PRKAG2: variants seen among roughly 807,000 people sequenced by gnomAD.
The protein encoded by PRKAG2 is 5'-AMP-activated protein kinase subunit gamma-2.
Under a neutral mutation model 69.6 loss-of-function variants are expected in PRKAG2, and 26 were observed. The ratio of observed to expected loss-of-function variants is 0.37; its 90% confidence interval spans 0.27 to 0.52. The LOEUF is 0.52. Ranked by LOEUF, PRKAG2 falls within the 20% of genes least tolerant of loss-of-function variation. The pLI is 0.90. For synonymous variants in PRKAG2, 293 were observed against 285.0 expected (o/e 1.03, Z -0.28); for missense variants, 557 against 740.0 (o/e 0.75, Z 2.87).
intron 3 of PRKAG2, among the ~76,000 whole-genome samples, chr7:151,692,394 A>T (rs937878844): frequency 3.9e-5 from 6 of 152,302 alleles, no homozygotes; most frequent in Admixed American, 1.3e-4. Flanking sequence ...ATTCTGGAAA[A>T]AGCAAAATTA....
At chr7:151,708,057 A>AG (rs950819558) in intron 3 of PRKAG2, among the ~76,000 whole-genome samples, 2 of 152,168 alleles carry the variant, frequency 1.3e-5, no homozygotes, top group Non-Finnish European at 2.9e-5. Context: ...GCTGTCCACA[A>AG]GGGGGGCGCT....
At chr7:151,702,908 C>T (rs781020859) in intron 3 of PRKAG2, among the ~76,000 whole-genome samples, 1 of 152,140 alleles carries the variant, frequency 6.6e-6, no homozygotes, top group Non-Finnish European at 1.5e-5. Flanking sequence ...TGATACCTCT[C>T]GCCTTCCAGT....
intron 3 of PRKAG2, among the ~76,000 whole-genome samples, chr7:151,715,925 A>C (rs897293294): frequency 6.6e-6 from 1 of 152,182 alleles, no homozygotes; most frequent in African/African-American, 2.4e-5. Flanking sequence ...TTAGGCTTCC[A>C]GGAAGGATTT....
chr7:151,819,048 G>T (rs573189193), intron 1 of PRKAG2, among the ~76,000 whole-genome samples: 56 of 152,222 alleles, frequency 3.7e-4, no homozygotes, highest in Non-Finnish European at 7.2e-4. Flanking sequence ...GCTCCCTGGC[G>T]AAATGAGTGG....
intron 1 of PRKAG2, among the ~76,000 whole-genome samples, chr7:151,832,562 C>T (rs10238109): frequency 0.47 from 70,095 of 148,854 alleles, 17,220 homozygotes; most frequent in South Asian, 0.62. Flanking sequence ...CCCCCTTCCC[C>T]TGGGGCTGGT....
intron 6 of PRKAG2, among the ~76,000 whole-genome samples, chr7:151,581,454 CAA>C (rs909686035): frequency 2.0e-4 from 31 of 152,312 alleles, no homozygotes; most frequent in African/African-American, 6.7e-4. Flanking sequence ...GAGAGCCAAA[CAA>C]GAGGGCTTCC....
At chr7:151,672,684 C>G (rs1470017720) in intron 4 of PRKAG2, among the ~76,000 whole-genome samples, 1 of 152,134 alleles carries the variant, frequency 6.6e-6, no homozygotes, top group Admixed American at 6.5e-5. Context: ...CAGGGCCCCT[C>G]CGTGTCACTC....
At chr7:151,735,371 C>T (rs1799608101) in intron 3 of PRKAG2, among the ~76,000 whole-genome samples, 1 of 152,152 alleles carries the variant, frequency 6.6e-6, no homozygotes, top group South Asian at 2.1e-4. Flanking sequence ...CATGGAGGAG[C>T]TGCAGAAGTT....
chr7:151,818,830 G>C (rs928864408), intron 1 of PRKAG2, among the ~76,000 whole-genome samples: 4 of 152,234 alleles, frequency 2.6e-5, no homozygotes, highest in African/African-American at 9.6e-5. Context: ...ACTGGGCCTG[G>C]TGGGATGTAG....
At chr7:151,822,011 C>T (rs2078795456) in intron 1 of PRKAG2, among the ~76,000 whole-genome samples, 2 of 152,230 alleles carry the variant, frequency 1.3e-5, no homozygotes, top group Admixed American at 6.5e-5. Flanking sequence ...ATCTGGGAGG[C>T]ACCCCAGTGC....
intron 1 of PRKAG2, among the ~76,000 whole-genome samples, chr7:151,840,417 T>C (rs9648727): frequency 0.65 from 98,103 of 152,066 alleles, 31,842 homozygotes; most frequent in Middle Eastern, 0.76. Context: ...GGTCTCGCTC[T>C]GTCATCCAGG....
rs186992128 is a variant in PRKAG2, at chr7:151,693,264, C to T, written c.467-17627G>A. 6.6e-4 allele frequency among the ~76,000 whole-genome samples: 100 copies of T among 152,324 alleles called. 1 individual carries two copies. The East Asian group carries it at 0.019, about 29-fold the overall frequency. On this transcript the variant is annotated intron_variant, in intron 3 of 15. Transcript: ENST00000287878. ...TGCTGCCCAGGGCAGGCCTGAGACC[C>T]GCAGCACAGGAGGCCCAAGGCGGCC...
intron 1 of PRKAG2, among the ~76,000 whole-genome samples, chr7:151,876,268 G>A (rs1586766850): frequency 6.7e-6 from 1 of 150,260 alleles, no homozygotes; most frequent in East Asian, 2.0e-4. Flanking sequence ...GTCTGCAGCC[G>A]CCCAGCCCCC....
chr7:151,827,277 T>C (rs554741501), intron 1 of PRKAG2, among the ~76,000 whole-genome samples: 1 of 152,302 alleles, frequency 6.6e-6, no homozygotes, highest in Non-Finnish European at 1.5e-5. Context: ...CTCACTCTGT[T>C]GCCTAGGCTG....
rs1301118270 is a variant in PRKAG2 at position 151,781,561 on chromosome 7, C to G, written c.187-130G>C. The G allele has an allele frequency of 2.5e-6, 3 of 1,178,306 alleles. No individual in the cohort carries two copies. In the East Asian group the frequency reaches 7.7e-5, roughly 30 times the overall value. 73.0% of individuals were successfully genotyped at this position (1,178,306 alleles called of 1,614,324 possible). On this transcript the variant is annotated intron_variant, in intron 2 of 15. Transcript: ENST00000287878. The surrounding 1 kb of genome is among the most constrained non-coding windows in gnomAD (Gnocchi z 6.1). The stretch of plus-strand genomic sequence containing the variant: ...CATAGTACCCTCCCAGAGAAACAGC[C>G]CTAAGCTCTTCCACAGAGGTAGCCA...
chr7:151,571,505 G>A (rs994442195), intron 9 of PRKAG2, among the ~76,000 whole-genome samples: 2 of 152,128 alleles, frequency 1.3e-5, no homozygotes, highest in African/African-American at 4.8e-5. Context: ...CACCGCACCT[G>A]GCCTTGCTTT....
chr7:151,771,215 C>T lies in PRKAG2; in HGVS notation c.466+9937G>A, dbSNP rs772783457. On this transcript the variant is annotated intron_variant, in intron 3 of 15. Transcript: ENST00000287878. This position sits in a 1 kb window ranked among gnomAD's most constrained non-coding sequence, Gnocchi z 4.0. Reference sequence around the variant, plus strand: ...CATTCCAGCTATGTTATTCTTTATGCTTTTCCCTTAGCTAAAATTTCGATT... The same window carrying T: ...CATTCCAGCTATGTTATTCTTTATGTTTTTCCCTTAGCTAAAATTTCGATT... Among the ~76,000 whole-genome samples, 1 of 152,162 alleles carries T rather than the reference C, an allele frequency of 6.6e-6. No individual in the cohort carries two copies. Among genetic ancestry groups the T allele is most frequent in the Non-Finnish European group, 1.5e-5 (1 of 68,032 alleles).
At position 151,814,358 on chromosome 7, in the gene PRKAG2, A is replaced by G. The variant is rs746166244; in HGVS notation, c.115-27817T>C. On this transcript the variant is annotated intron_variant, in intron 1 of 15. Transcript: ENST00000287878. This position sits in a 1 kb window ranked among gnomAD's most constrained non-coding sequence, Gnocchi z 4.8. Reference sequence around the variant, plus strand: ...AGCATCGTGAGGGGGAAAACCGCACACCCAGGGACGCACAATCACTATGCA... The same window carrying G: ...AGCATCGTGAGGGGGAAAACCGCACGCCCAGGGACGCACAATCACTATGCA... 2.6e-6 allele frequency: 3 copies of G among 1,151,964 alleles called. No homozygotes were observed. The African/African-American group carries it at 4.8e-5, about 18-fold the overall frequency. The allele number at this position is 1,151,964 out of a possible 1,614,324, so 71.4% of individuals were successfully genotyped here.
chr7:151,867,467 C>T (rs555236872), intron 1 of PRKAG2, among the ~76,000 whole-genome samples: 1 of 152,304 alleles, frequency 6.6e-6, no homozygotes, highest in South Asian at 2.1e-4. Flanking sequence ...TCTCTGCCTC[C>T]GCCCTCACAG....
Sources: allele counts gnomAD v4.1 joint callset (sites outside exome capture counted in the v4.1 genomes callset), GRCh38; gene constraint gnomAD v4.1.1; non-coding constraint Gnocchi (gnomAD v3.1); transcripts MANE v1.5; gene names NCBI Gene and HGNC (gene_info 2026-07-23, HGNC 2026-07-21).